SNX29: variants seen among roughly 807,000 people sequenced by gnomAD.
SNX29 encodes sorting nexin-29.
A neutral mutation model predicts 102.1 loss-of-function variants in SNX29; 78 were observed. The observed-to-expected ratio is 0.76, with a 90% CI of 0.64 to 0.92. SNX29 has a LOEUF of 0.92. Ranked by LOEUF, SNX29 falls within the 40% of genes least tolerant of loss-of-function variation. The probability of loss-of-function intolerance (pLI) is 0.00; values close to 1 mark genes in which losing one functional copy is unlikely to be tolerated. For missense variants in SNX29, 1,280 were observed against 1,061.7 expected, an observed-to-expected ratio of 1.21 and a Z score of -2.86; for synonymous variants, 580 against 414.5, an observed-to-expected ratio of 1.40 and a Z score of -4.85.
chr16:12,163,749 C>G (rs1160136276), intron 13 of SNX29, among the ~76,000 whole-genome samples: 2 of 152,156 alleles, frequency 1.3e-5, no homozygotes, highest in African/African-American at 4.8e-5. Context: ...GAGGACTGTT[C>G]CCTGCCTCGG....
intron 11 of SNX29, among the ~76,000 whole-genome samples, chr16:12,092,285 A>AGAAG (rs35344440): frequency 0.44 from 66,211 of 151,420 alleles, 15,456 homozygotes; most frequent in East Asian, 0.7. Context: ...AGACATTTAA[A>AGAAG]GAAGGAAGGA....
At chr16:12,413,967 A>T (rs2084517127) in intron 18 of SNX29, among the ~76,000 whole-genome samples, 1 of 152,226 alleles carries the variant, frequency 6.6e-6, no homozygotes, top group Non-Finnish European at 1.5e-5. Flanking sequence ...ATAAAATGCC[A>T]TAGTATTTGC....
intron 15 of SNX29, among the ~76,000 whole-genome samples, chr16:12,314,358 T>C (rs1397936554): frequency 1.3e-5 from 2 of 152,226 alleles, no homozygotes; most frequent in African/African-American, 2.4e-5. Context: ...ATGCACATAG[T>C]TTATACCTGA....
At chr16:12,338,439 A>G (rs546392103) in intron 15 of SNX29, among the ~76,000 whole-genome samples, 1 of 152,164 alleles carries the variant, frequency 6.6e-6, no homozygotes, top group African/African-American at 2.4e-5. Flanking sequence ...CCCGGGAACA[A>G]GGAAGCTCAT....
intron 11 of SNX29, among the ~76,000 whole-genome samples, chr16:12,118,437 A>G (rs954062985): frequency 1.4e-5 from 2 of 147,708 alleles, no homozygotes; most frequent in Non-Finnish European, 3.0e-5. Flanking sequence ...CCCCTGCCTC[A>G]GCCTCCCGAG....
At chr16:12,350,751 T>C (rs1384484367) in intron 15 of SNX29, among the ~76,000 whole-genome samples, 1 of 152,220 alleles carries the variant, frequency 6.6e-6, no homozygotes, top group Non-Finnish European at 1.5e-5. Context: ...CCAGTGGCTC[T>C]CAACTCTGAC....
At chr16:12,390,950 T>G (rs2083508719) in intron 16 of SNX29, among the ~76,000 whole-genome samples, 1 of 152,126 alleles carries the variant, frequency 6.6e-6, no homozygotes, top group Non-Finnish European at 1.5e-5. Context: ...CAAATTGTCT[T>G]TATTTATTGT....
chr16:12,323,254 T>TGGGGACCACTGTCAGGATGTGGTCACTGG, intron 15 of SNX29, among the ~76,000 whole-genome samples: 1 of 132,420 alleles, frequency 7.6e-6, no homozygotes, highest in Non-Finnish European at 1.8e-5. Flanking sequence ...CTGGAGTCAC[T>TGGGGACCACTGTCAGGATGTGGTCACTGG]AGAGTCATTT....
At chr16:12,164,894 G>T (rs988306337) in intron 13 of SNX29, among the ~76,000 whole-genome samples, 5 of 152,052 alleles carry the variant, frequency 3.3e-5, no homozygotes, top group African/African-American at 1.2e-4. Context: ...TACCATGTTT[G>T]TCAGGCTGGT....
At chr16:12,241,309 G>T (rs1038512107) in intron 14 of SNX29, among the ~76,000 whole-genome samples, 3 of 152,126 alleles carry the variant, frequency 2.0e-5, no homozygotes, top group African/African-American at 7.2e-5. Flanking sequence ...GAAGCAAGAA[G>T]CCCTGAAAAT....
rs571088190 is a variant in SNX29 at position 12,568,564 on chromosome 16, C to T, written c.2377C>T (p.Pro793Ser). The T allele has an allele frequency of 3.7e-6, 6 of 1,608,420 alleles. No homozygotes were observed. In the Admixed American group the frequency reaches 5.0e-5, roughly 13 times the overall value. Residue 793 changes from proline to serine, a missense_variant, in exon 21 of 21, where the codon CCC (proline) becomes TCC (serine). By Grantham distance (74) the Pro-to-Ser change is moderately conservative (BLOSUM62 -1). Transcript: ENST00000566228. ...NSRPKAASRFPKLSRGQPRET... is the reference protein window; with the variant it reads ...NSRPKAASRFSKLSRGQPRET... ...CCGGCCCAAAGCAGCTTCCCGCTTCCCCAAACTGTCCCGGGGTCAGCCCCG... is the reference window on the plus strand; with the variant it reads ...CCGGCCCAAAGCAGCTTCCCGCTTCTCCAAACTGTCCCGGGGTCAGCCCCG...
intron 20 of SNX29, among the ~76,000 whole-genome samples, chr16:12,535,781 G>T (rs985578103): frequency 6.6e-6 from 1 of 151,902 alleles, no homozygotes; most frequent in African/African-American, 2.4e-5. Context: ...GAGGTCCTCA[G>T]AGTATAGAGG....
At position 12,570,103 on chromosome 16, in the gene SNX29, A is replaced by C. The variant is rs1320542526; in HGVS notation, c.*1474A>C. 6.2e-5 allele frequency: 61 copies of C among 989,598 alleles called. No individual in the cohort carries two copies. The highest frequency in any genetic ancestry group is 7.3e-5 in the Non-Finnish European group (59 of 811,560). The allele number at this position is 989,598 out of a possible 1,614,324, so 61.3% of individuals were successfully genotyped here. A position where few individuals can be genotyped will look rare whatever the true frequency, so the allele number is the denominator to read the frequency against. ...TTATACTGTGCCTTCCCCTCGTAGC[A>C]AAAAGGAAGATTGTTCATGGCCTTT... On this transcript the variant is annotated 3_prime_UTR_variant, in exon 21 of 21. Transcript: ENST00000566228.
At chr16:12,034,519 G>T (rs2151146245) in intron 4 of SNX29, among the ~76,000 whole-genome samples, 1 of 152,334 alleles carries the variant, frequency 6.6e-6, no homozygotes, top group African/African-American at 2.4e-5. Context: ...CCGTTGGGCT[G>T]TGTGTTATCC....
intron 16 of SNX29, among the ~76,000 whole-genome samples, chr16:12,378,333 C>G (rs2082950797): frequency 6.6e-6 from 1 of 152,074 alleles, no homozygotes; most frequent in South Asian, 2.1e-4. Flanking sequence ...GTGCCAGGTT[C>G]TTTAAAACAA....
At chr16:12,482,794 T>A (rs1487818955) in intron 19 of SNX29, among the ~76,000 whole-genome samples, 1 of 152,246 alleles carries the variant, frequency 6.6e-6, no homozygotes, top group Non-Finnish European at 1.5e-5. Flanking sequence ...CATTGGTGAT[T>A]GTCTGACAGT....
chr16:12,439,438 A>G (rs1243307763), intron 18 of SNX29, among the ~76,000 whole-genome samples: 1 of 152,106 alleles, frequency 6.6e-6, no homozygotes, highest in Non-Finnish European at 1.5e-5. Context: ...GGCAATTTAC[A>G]AAAGAGGTTG....
intron 14 of SNX29, among the ~76,000 whole-genome samples, chr16:12,246,480 A>C (rs1415293333): frequency 1.3e-5 from 2 of 152,090 alleles, no homozygotes; most frequent in Non-Finnish European, 2.9e-5. Context: ...ATCTCTCTTA[A>C]AAATACTAAA....
intron 20 of SNX29, among the ~76,000 whole-genome samples, chr16:12,538,385 C>G (rs781174813): frequency 6.6e-6 from 1 of 152,142 alleles, no homozygotes; most frequent in Non-Finnish European, 1.5e-5. Flanking sequence ...CCACCGCGCC[C>G]GGCCTCCCCT....
Sources: gnomAD v4.1 joint callset for allele counts (sites outside exome capture counted in the v4.1 genomes callset) on GRCh38, gnomAD v4.1.1 for gene constraint, MANE v1.5 for transcripts, NCBI Gene and HGNC (gene_info 2026-07-23, HGNC 2026-07-21) for gene names.